Variants in COPS2 observed in about 807,000 individuals in gnomAD.
The protein encoded by COPS2 is COP9 signalosome complex subunit 2.
A neutral mutation model predicts 66.1 loss-of-function variants in COPS2; 10 were observed. The observed-to-expected ratio is 0.15, with a 90% CI of 0.09 to 0.26. The LOEUF is 0.26. Ranked by LOEUF, COPS2 falls within the 10% of genes least tolerant of loss-of-function variation. The pLI is 1.00. For synonymous variants in COPS2, 179 were observed against 171.3 expected (o/e 1.04, Z -0.35); for missense variants, 215 against 513.3 (o/e 0.42, Z 5.62).
intron 1 of COPS2, among the ~76,000 whole-genome samples, chr15:49,148,334 A>G (rs2084336090): frequency 6.6e-6 from 1 of 152,164 alleles, no homozygotes; most frequent in African/African-American, 2.4e-5. Context: ...ACAGACACAC[A>G]TACTAAGTCC....
At chr15:49,132,091 T>C (rs1566882003) in intron 9 of COPS2, among the ~76,000 whole-genome samples, 1 of 152,196 alleles carries the variant, frequency 6.6e-6, no homozygotes, top group Admixed American at 6.5e-5. Context: ...GGGTAAAGCT[T>C]TTCCTCAATA....
chr15:49,143,369 C>T (rs1301904403), intron 3 of COPS2, among the ~76,000 whole-genome samples: 1 of 152,188 alleles, frequency 6.6e-6, no homozygotes, highest in East Asian at 1.9e-4. Context: ...AAAAGGATCA[C>T]TCTGCTACTT....
intron 4 of COPS2, among the ~76,000 whole-genome samples, chr15:49,138,156 T>C (rs895311928): frequency 3.9e-5 from 6 of 152,220 alleles, no homozygotes; most frequent in African/African-American, 1.4e-4. Flanking sequence ...CACCAATCTG[T>C]GTGGCATTTT....
Position 49,125,914 on chromosome 15 carries a change from A to T in COPS2, c.*2036T>A, listed in dbSNP as rs1415637303. The T allele has an allele frequency of 6.6e-6, 1 of 152,088 alleles. No homozygotes were observed. The highest frequency in any genetic ancestry group is 1.5e-5 in the Non-Finnish European group (1 of 67,924). 9.4% of individuals were successfully genotyped at this position (152,088 alleles called of 1,614,324 possible). ...GCACAGGAGAACTGGGCACTGTAAG[A>T]ATTGGAGGATAAAGGTTAAATCATT... On this transcript the variant is annotated 3_prime_UTR_variant, in exon 13 of 13. Transcript: ENST00000388901.
At chr15:49,148,985 T>C (rs1483996554) in intron 1 of COPS2, among the ~76,000 whole-genome samples, 1 of 152,182 alleles carries the variant, frequency 6.6e-6, no homozygotes, top group African/African-American at 2.4e-5. Flanking sequence ...AGATAATTTG[T>C]AAAAGTGTAA....
chr15:49,128,404 T>C (rs1377487576), intron 12 of COPS2, among the ~76,000 whole-genome samples: 2 of 152,234 alleles, frequency 1.3e-5, no homozygotes, highest in Admixed American at 6.5e-5. Flanking sequence ...ATTTCAAAAA[T>C]GTTATGTACC....
intron 1 of COPS2, among the ~76,000 whole-genome samples, chr15:49,147,428 A>G (rs916922973): frequency 3.3e-5 from 5 of 152,156 alleles, no homozygotes; most frequent in African/African-American, 9.7e-5. Flanking sequence ...TCAGGTTTCG[A>G]GAAGAGGAAA....
intron 3 of COPS2, among the ~76,000 whole-genome samples, chr15:49,141,942 T>C (rs1194399028): frequency 6.6e-6 from 1 of 152,214 alleles, no homozygotes; most frequent in Non-Finnish European, 1.5e-5. Context: ...CAGATTTCTA[T>C]AGGGACTCTT....
intron 2 of COPS2, among the ~76,000 whole-genome samples, 174 bp from the exon 3 acceptor site, chr15:49,144,478 G>A (rs1240938714): frequency 2.6e-5 from 4 of 152,214 alleles, no homozygotes; most frequent in East Asian, 1.9e-4. Flanking sequence ...CAAGTTGTAA[G>A]ATGCCTACAT....
chr15:49,128,846 A>G lies in COPS2; in HGVS notation c.1129-86T>C, dbSNP rs1338140376. On this transcript the variant is annotated intron_variant, in intron 11 of 12. Coordinates refer to ENST00000388901, the MANE Select transcript of COPS2 (RefSeq NM_004236.4). ...ATCATTCTAATTTTAATTCATTTCT[A>G]TCACTTAAAGGAAAATTAGTGAAGA... 3.3e-6 allele frequency: 3 copies of G among 911,024 alleles called. No homozygotes were observed. In the African/African-American group the frequency reaches 5.1e-5, roughly 15 times the overall value. The allele number at this position is 911,024 out of a possible 1,614,324, so 56.4% of individuals were successfully genotyped here. A position where few individuals can be genotyped will look rare whatever the true frequency, so the allele number is the denominator to read the frequency against.
At chr15:49,132,422 C>A (rs1294845158) in intron 9 of COPS2, among the ~76,000 whole-genome samples, 4 of 150,574 alleles carry the variant, frequency 2.7e-5, no homozygotes, top group African/African-American at 9.8e-5. Flanking sequence ...TACACAGGAA[C>A]TTTAATATCA....
intron 9 of COPS2, among the ~76,000 whole-genome samples, chr15:49,133,291 C>A (rs1234838823): frequency 6.6e-6 from 1 of 152,114 alleles, no homozygotes; most frequent in African/African-American, 2.4e-5. Context: ...CCCAGCCTAT[C>A]CATTGTAAAC....
At chr15:49,130,128 C>T (rs895137026) in intron 10 of COPS2, among the ~76,000 whole-genome samples, 2 of 152,114 alleles carry the variant, frequency 1.3e-5, no homozygotes, top group African/African-American at 4.8e-5. Flanking sequence ...CAGAACATTA[C>T]TTCTGATGCA....
intron 9 of COPS2, among the ~76,000 whole-genome samples, chr15:49,133,075 G>A (rs2084224621): frequency 6.9e-6 from 1 of 145,076 alleles, no homozygotes; most frequent in African/African-American, 2.6e-5. Flanking sequence ...TGCCACCTCT[G>A]CCTCCCGGGT....
chr15:49,155,588 G>C lies in COPS2; in HGVS notation c.-10C>G, dbSNP rs576328029. ...CCTCCATGTCAGACATCTTGGCCGG[G>C]AGGGGGAGGAGAAATTGGAGACAAC... On this transcript the variant is annotated 5_prime_UTR_variant, in exon 1 of 13. Transcript: ENST00000388901. 6.2e-7 allele frequency: 1 copy of C among 1,613,954 alleles called. No individual in the cohort carries two copies. The highest frequency in any genetic ancestry group is 2.2e-5 in the East Asian group (1 of 44,876).
chr15:49,124,410 T>C lies in COPS2; in HGVS notation c.*3540A>G, dbSNP rs1457463843. On this transcript the variant is annotated 3_prime_UTR_variant, in exon 13 of 13. Transcript: ENST00000388901. ...CAAAAACAAAAACAAAAAAACCGTA[T>C]CAAACAAATATAAATAGGATGCTGA... 6.7e-6 allele frequency: 1 copy of C among 148,496 alleles called. No individual in the cohort carries two copies. The highest frequency in any genetic ancestry group is 1.5e-5 in the Non-Finnish European group (1 of 66,778). The allele number at this position is 148,496 out of a possible 1,614,324, so 9.2% of individuals were successfully genotyped here. A position where few individuals can be genotyped will look rare whatever the true frequency, so the allele number is the denominator to read the frequency against.
At chr15:49,128,353 T>C (rs1049294301) in intron 12 of COPS2, among the ~76,000 whole-genome samples, 1 of 152,236 alleles carries the variant, frequency 6.6e-6, no homozygotes, top group African/African-American at 2.4e-5. Flanking sequence ...AAGTATCACC[T>C]GTGAAGCTTT....
chr15:49,136,250 A>G (rs1464503262), intron 6 of COPS2, among the ~76,000 whole-genome samples: 1 of 152,238 alleles, frequency 6.6e-6, no homozygotes, highest in Non-Finnish European at 1.5e-5. Context: ...TATTTAAAGC[A>G]GTATTTCCAC....
rs2084171466 is a variant in COPS2, at chr15:49,126,937, A to G, written c.*1013T>C. 1 of 152,150 alleles carries G rather than the reference A, an allele frequency of 6.6e-6. No individual in the cohort carries two copies. Among genetic ancestry groups the G allele is most frequent in the Admixed American group, 6.5e-5 (1 of 15,278 alleles). The allele number at this position is 152,150 out of a possible 1,614,324, so 9.4% of individuals were successfully genotyped here. On this transcript the variant is annotated 3_prime_UTR_variant, in exon 13 of 13. Coordinates refer to ENST00000388901, the MANE Select transcript of COPS2 (RefSeq NM_004236.4). Reference sequence around the variant, plus strand: ...CTTTGAATGCAATTCTAAAAGAGTAAACTCAGCAGGTTTTGGGCAATGGTA... The same window carrying G: ...CTTTGAATGCAATTCTAAAAGAGTAGACTCAGCAGGTTTTGGGCAATGGTA...
Sources: allele counts gnomAD v4.1 joint callset (sites outside exome capture counted in the v4.1 genomes callset), GRCh38; gene constraint gnomAD v4.1.1; transcripts MANE v1.5; gene names NCBI Gene and HGNC (gene_info 2026-07-23, HGNC 2026-07-21).